Variants in MLIP observed in about 807,000 individuals in gnomAD.
MLIP encodes muscular LMNA interacting protein.
In MLIP, 79 loss-of-function variants were observed where a neutral mutation model predicts 84.8. The ratio of observed to expected loss-of-function variants is 0.93; its 90% CI spans 0.78 to 1.12. The LOEUF is 1.12. Among genes scored for constraint, MLIP ranks in the 50% most tolerant of loss-of-function variants. MLIP has a pLI of 0.00. For synonymous variants in MLIP, 504 were observed against 463.0 expected, an observed-to-expected ratio of 1.09 and a Z score of -1.14; for missense variants, 1,257 against 1,160.6, an observed-to-expected ratio of 1.08 and a Z score of -1.21.
intron 1 of MLIP, among the ~76,000 whole-genome samples, chr6:54,051,029 G>C (rs1411521676): frequency 1.3e-5 from 2 of 151,952 alleles, no homozygotes; most frequent in Admixed American, 6.6e-5. Flanking sequence ...AATAAAACTA[G>C]CTCAAGGCAC....
intron 13 of MLIP, among the ~76,000 whole-genome samples, chr6:54,263,977 A>G (rs890543248): frequency 6.6e-6 from 1 of 152,048 alleles, no homozygotes; most frequent in Admixed American, 6.6e-5. Flanking sequence ...CTATAATGAG[A>G]TTGGCAAATA....
At chr6:54,257,562 G>A (rs894039253) in intron 13 of MLIP, among the ~76,000 whole-genome samples, 5 of 152,204 alleles carry the variant, frequency 3.3e-5, no homozygotes, top group South Asian at 2.1e-4. Flanking sequence ...GTAGAAGGTA[G>A]CACTAGAGTT....
chr6:54,188,619 T>C (rs1777624092), intron 9 of MLIP, among the ~76,000 whole-genome samples: 1 of 152,152 alleles, frequency 6.6e-6, no homozygotes, highest in African/African-American at 2.4e-5. Context: ...ATACATGAGG[T>C]CCATCATCAA....
rs376398892 is a variant in MLIP at position 54,141,685 on chromosome 6, G to C, written c.2217+3399G>C. On this transcript the variant is annotated intron_variant, in intron 4 of 13. Coordinates refer to ENST00000502396, the MANE Select transcript of MLIP (RefSeq NM_001281747.2). ...ACTGGATATTACAAAATTCACCCAT[G>C]GAGTTGTGTCTGGGTCCCCAATCTG... is the stretch of plus-strand genomic sequence containing the variant. Among the ~76,000 whole-genome samples, 3 of 152,020 alleles carry C rather than the reference G, an allele frequency of 2.0e-5. No individual in the cohort carries two copies. In the East Asian group the frequency reaches 5.8e-4, roughly 29 times the overall value.
intron 1 of MLIP, among the ~76,000 whole-genome samples, chr6:54,026,225 T>A (rs12201302): frequency 4.6e-5 from 7 of 151,998 alleles, no homozygotes; most frequent in Non-Finnish European, 8.8e-5. Flanking sequence ...TCTCTCTGCA[T>A]CAGATATTAG....
intron 9 of MLIP, among the ~76,000 whole-genome samples, chr6:54,185,520 A>C (rs1289414296): frequency 6.6e-6 from 1 of 152,156 alleles, no homozygotes; most frequent in Non-Finnish European, 1.5e-5. Flanking sequence ...TCCTAATTTA[A>C]TTAATATGTT....
chr6:54,207,410 C>CCG (rs1554184548), intron 11 of MLIP, among the ~76,000 whole-genome samples: 3 of 53,410 alleles, frequency 5.6e-5, no homozygotes, highest in East Asian at 1.1e-3. Context: ...CACCTCTGCA[C>CCG]CCCCCCCCCC....
chr6:54,193,781 G>A (rs1371490888), intron 10 of MLIP, among the ~76,000 whole-genome samples: 2 of 152,090 alleles, frequency 1.3e-5, no homozygotes, highest in Non-Finnish European at 2.9e-5. Context: ...GGAGCAAGAG[G>A]AAAGGAAAGA....
At chr6:54,213,153 C>T (rs1779580778) in intron 11 of MLIP, among the ~76,000 whole-genome samples, 1 of 152,138 alleles carries the variant, frequency 6.6e-6, no homozygotes, top group Non-Finnish European at 1.5e-5. Flanking sequence ...CCTTTTAAAT[C>T]TCTCTCTGGA....
Position 54,252,020 on chromosome 6 carries a change from AAT to A in MLIP, c.2923-5279_2923-5278del, listed in dbSNP as rs542472989. Among the ~76,000 whole-genome samples the A allele has an allele frequency of 1.2e-3, 111 of 91,336 alleles. 2 individuals are homozygous for A. The highest frequency in any genetic ancestry group is 4.8e-3 in the African/African-American group (98 of 20,290). The allele number at this position is 91,336 out of a possible 152,430, so 59.9% of individuals were successfully genotyped here. ...ATATTATAACATAATATATAATATAAATATATATATTATAACATATAATATAT... is the reference window on the plus strand; with the variant it reads ...ATATTATAACATAATATATAATATAAATATATATTATAACATATAATATAT... On this transcript the variant is annotated intron_variant, in intron 12 of 13. Transcript: ENST00000502396.
intron 4 of MLIP, among the ~76,000 whole-genome samples, chr6:54,138,915 G>A (rs990847661): frequency 6.6e-6 from 1 of 152,178 alleles, no homozygotes; most frequent in African/African-American, 2.4e-5. Flanking sequence ...ATAAGAAGGG[G>A]TGGTGATTTT....
intron 11 of MLIP, among the ~76,000 whole-genome samples, chr6:54,218,266 C>T (rs1485521902): frequency 6.6e-6 from 1 of 152,146 alleles, no homozygotes; most frequent in Non-Finnish European, 1.5e-5. Context: ...ACCTGTACAG[C>T]ATATTACTGT....
At chr6:54,193,352 T>C (rs757183124) in intron 10 of MLIP, among the ~76,000 whole-genome samples, 11 of 152,178 alleles carry the variant, frequency 7.2e-5, no homozygotes, top group Non-Finnish European at 1.2e-4. Context: ...TGTGGAGTTG[T>C]CAGTATACTC....
chr6:54,027,878 G>C (rs964890147), intron 1 of MLIP, among the ~76,000 whole-genome samples: 1 of 152,196 alleles, frequency 6.6e-6, no homozygotes, highest in African/African-American at 2.4e-5. Flanking sequence ...ATAACAGAAA[G>C]GAGATAGATG....
At chr6:54,041,372 A>G (rs780865799) in intron 1 of MLIP, among the ~76,000 whole-genome samples, 3 of 152,126 alleles carry the variant, frequency 2.0e-5, no homozygotes, top group Non-Finnish European at 4.4e-5. Flanking sequence ...TAATAAATGA[A>G]GCTGTTATAT....
chr6:54,156,468 A>G (rs989977025), intron 5 of MLIP, among the ~76,000 whole-genome samples: 2 of 152,128 alleles, frequency 1.3e-5, no homozygotes, highest in Non-Finnish European at 2.9e-5. Context: ...GTAAGTTTCC[A>G]CAGACTAATT....
chr6:54,194,189 C>A (rs1228606533), intron 10 of MLIP, among the ~76,000 whole-genome samples: 1 of 29,646 alleles, frequency 3.4e-5, no homozygotes, highest in Non-Finnish European at 8.9e-5. Flanking sequence ...GCTGATGCAT[C>A]CAGCTTTAGC....
At chr6:54,140,799 G>A (rs956979126) in intron 4 of MLIP, among the ~76,000 whole-genome samples, 8 of 152,182 alleles carry the variant, frequency 5.3e-5, no homozygotes, top group African/African-American at 1.7e-4. Flanking sequence ...TTTGGCTAGT[G>A]TTTAAATTGG....
intron 5 of MLIP, among the ~76,000 whole-genome samples, chr6:54,152,163 G>A (rs1286097310): frequency 6.6e-6 from 1 of 152,016 alleles, no homozygotes. Flanking sequence ...CAGGGTCCTT[G>A]GCTTAACCTC....
Sources: gnomAD v4.1 joint callset for allele counts (sites outside exome capture counted in the v4.1 genomes callset) on GRCh38, gnomAD v4.1.1 for gene constraint, MANE v1.5 for transcripts, NCBI Gene and HGNC (gene_info 2026-07-23, HGNC 2026-07-21) for gene names.